Variants in PLCB4 observed in about 807,000 individuals in gnomAD.
The protein encoded by PLCB4 is phospholipase C beta 4.
PLCB4 carries 77 observed loss-of-function variants against 178.8 expected under a neutral mutation model. The observed-to-expected ratio is 0.43, with a 90% CI of 0.36 to 0.52. The LOEUF (loss-of-function observed/expected upper bound fraction) is 0.52, where lower values mean the gene tolerates loss of function less well. Ranked by LOEUF, PLCB4 falls within the 20% of genes least tolerant of loss-of-function variation. PLCB4 has a pLI of 0.00. For synonymous variants in PLCB4, 496 were observed against 490.8 expected, an observed-to-expected ratio of 1.01 and a Z score of -0.14; for missense variants, 1,024 against 1,453.4, an observed-to-expected ratio of 0.70 and a Z score of 4.80.
intron 3 of PLCB4, among the ~76,000 whole-genome samples, chr20:9,240,549 T>C (rs1387025561): frequency 2.0e-5 from 3 of 152,132 alleles, no homozygotes; most frequent in Non-Finnish European, 2.9e-5. Flanking sequence ...TATTGTGTTA[T>C]TGTGTTCTGT....
chr20:9,087,138 C>T (rs1025001782), intron 1 of PLCB4, among the ~76,000 whole-genome samples: 2 of 152,118 alleles, frequency 1.3e-5, no homozygotes, highest in Non-Finnish European at 2.9e-5. Context: ...ATAATCTTTG[C>T]CATATAGATG....
At chr20:9,201,880 G>C (rs1160522508) in intron 2 of PLCB4, among the ~76,000 whole-genome samples, 2 of 152,090 alleles carry the variant, frequency 1.3e-5, no homozygotes, top group African/African-American at 4.8e-5. Flanking sequence ...TGCCACTTGT[G>C]GGTATTTACC....
chr20:9,302,199 T>C (rs1211981304), intron 3 of PLCB4, among the ~76,000 whole-genome samples: 1 of 151,766 alleles, frequency 6.6e-6, no homozygotes, highest in Non-Finnish European at 1.5e-5. Flanking sequence ...GTTAGTTGGC[T>C]GTGGGTTGGG....
At chr20:9,456,089 G>A (rs1205537689) in intron 33 of PLCB4, among the ~76,000 whole-genome samples, 1 of 152,146 alleles carries the variant, frequency 6.6e-6, no homozygotes, top group African/African-American at 2.4e-5. Context: ...GCCTACCTTG[G>A]CTTCCCGAAG....
At chr20:9,461,800 C>G (rs2043413949) in intron 35 of PLCB4, among the ~76,000 whole-genome samples, 1 of 152,180 alleles carries the variant, frequency 6.6e-6, no homozygotes, top group Non-Finnish European at 1.5e-5. Flanking sequence ...GGCCTACTGC[C>G]TCTATAGACA....
At chr20:9,240,962 T>C (rs57070159) in intron 3 of PLCB4, among the ~76,000 whole-genome samples, 1 of 152,298 alleles carries the variant, frequency 6.6e-6, no homozygotes, top group East Asian at 1.9e-4. Flanking sequence ...TCTCAATTGT[T>C]TGATTTGCAG....
chr20:9,113,273 T>A (rs1363877896), intron 2 of PLCB4, among the ~76,000 whole-genome samples: 1 of 152,180 alleles, frequency 6.6e-6, no homozygotes, highest in South Asian at 2.1e-4. Flanking sequence ...CTTTAGCTCA[T>A]GGGCACCTCC....
chr20:9,275,386 A>G (rs559663530), intron 3 of PLCB4, among the ~76,000 whole-genome samples: 2 of 152,220 alleles, frequency 1.3e-5, no homozygotes, highest in Admixed American at 1.3e-4. Context: ...GGGAAATACA[A>G]TTCAAGTTGA....
chr20:9,312,020 T>C (rs897233147), intron 4 of PLCB4, among the ~76,000 whole-genome samples: 6 of 152,166 alleles, frequency 3.9e-5, no homozygotes, highest in African/African-American at 1.2e-4. Flanking sequence ...TTGGATGGCA[T>C]AGATAATCAA....
At chr20:9,335,763 T>C (rs539844076) in intron 4 of PLCB4, among the ~76,000 whole-genome samples, 2 of 152,294 alleles carry the variant, frequency 1.3e-5, no homozygotes, top group South Asian at 4.1e-4. Context: ...GGGTTTTAAC[T>C]CCTAAAGCAA....
intron 28 of PLCB4, among the ~76,000 whole-genome samples, chr20:9,431,650 TTGTGTG>T (rs3037096): frequency 0.012 from 1,689 of 144,240 alleles, 31 homozygotes; most frequent in African/African-American, 0.039. Flanking sequence ...GTGTGTGTGT[TTGTGTG>T]TGTGTGTGTG....
At chr20:9,158,364 C>T (rs2092825233) in intron 2 of PLCB4, among the ~76,000 whole-genome samples, 1 of 151,702 alleles carries the variant, frequency 6.6e-6, no homozygotes, top group Non-Finnish European at 1.5e-5. Flanking sequence ...CTTCCGGGTT[C>T]AAGTGATCCT....
At chr20:9,346,104 C>A (rs1276254987) in intron 7 of PLCB4, among the ~76,000 whole-genome samples, 2 of 152,194 alleles carry the variant, frequency 1.3e-5, no homozygotes, top group Non-Finnish European at 2.9e-5. Flanking sequence ...TCAGCCTCGT[C>A]TGGGGACTTC....
intron 25 of PLCB4, among the ~76,000 whole-genome samples, chr20:9,414,141 A>G (rs568203645): frequency 3.9e-5 from 6 of 152,320 alleles, no homozygotes; most frequent in Admixed American, 1.3e-4. Context: ...TTCTGTGCTG[A>G]TGTGTTGGAC....
At chr20:9,097,122 A>G (rs893550968) in intron 2 of PLCB4, among the ~76,000 whole-genome samples, 2 of 149,050 alleles carry the variant, frequency 1.3e-5, no homozygotes, top group African/African-American at 4.9e-5. Flanking sequence ...TCTAGTAGTG[A>G]TGGGATTTCA....
chr20:9,271,811 A>C (rs1337473646), intron 3 of PLCB4, among the ~76,000 whole-genome samples: 1 of 152,056 alleles, frequency 6.6e-6, no homozygotes. Context: ...CATCAGACTA[A>C]CTATATCAGT....
intron 1 of PLCB4, among the ~76,000 whole-genome samples, chr20:9,084,032 C>T (rs1485727924): frequency 1.3e-5 from 2 of 152,208 alleles, no homozygotes; most frequent in Admixed American, 1.3e-4. Flanking sequence ...CAAAGTATTA[C>T]AGACCAAAAA....
At chr20:9,141,371 A>C (rs1568825735) in intron 2 of PLCB4, among the ~76,000 whole-genome samples, 1 of 152,178 alleles carries the variant, frequency 6.6e-6, no homozygotes, top group Non-Finnish European at 1.5e-5. Flanking sequence ...CTTTTTGTCC[A>C]GTTCTTCTGT....
At chr20:9,388,332 C>T (rs915924427) in intron 15 of PLCB4, among the ~76,000 whole-genome samples, 1 of 152,194 alleles carries the variant, frequency 6.6e-6, no homozygotes, top group Non-Finnish European at 1.5e-5. Context: ...AGCTGTCTGT[C>T]GGTTTGGTAT....
Sources: allele counts gnomAD v4.1 joint callset (sites outside exome capture counted in the v4.1 genomes callset), GRCh38; gene constraint gnomAD v4.1.1; transcripts MANE v1.5; gene names NCBI Gene and HGNC (gene_info 2026-07-23, HGNC 2026-07-21).